The following TUBA4B variants were observed in gnomAD, a reference collection of about 807,000 sequenced individuals.
The protein encoded by TUBA4B is tubulin alpha 4b.
A neutral mutation model predicts 18.4 loss-of-function variants in TUBA4B; 13 were observed. The ratio of observed to expected loss-of-function variants is 0.71; its 90% CI spans 0.46 to 1.12. The LOEUF is 1.12. TUBA4B is among the 50% of genes most tolerant of loss of function. TUBA4B has a pLI of 0.00. For synonymous variants in TUBA4B, 101 were observed against 99.1 expected, an observed-to-expected ratio of 1.02 and a Z score of -0.11; for missense variants, 244 against 250.0, an observed-to-expected ratio of 0.98 and a Z score of 0.16.
chr2:219,259,827 C>A (rs894740791), intron 1 of TUBA4B, among the ~76,000 whole-genome samples: 2 of 152,150 alleles, frequency 1.3e-5, no homozygotes, highest in Non-Finnish European at 2.9e-5. Context: ...GAGCATCTCC[C>A]AGCCATCCTC....
intron 3 of TUBA4B, among the ~76,000 whole-genome samples, 192 bp downstream of exon 3, chr2:219,270,527 C>T (rs1332713935): frequency 6.6e-6 from 1 of 152,170 alleles, no homozygotes; most frequent in Non-Finnish European, 1.5e-5. Flanking sequence ...CTGGTGTCCC[C>T]TGTATCTCCG....
chr2:219,255,526 C>G (rs1483152096), intron 1 of TUBA4B, among the ~76,000 whole-genome samples: 4 of 152,166 alleles, frequency 2.6e-5, no homozygotes, highest in African/African-American at 9.7e-5. Flanking sequence ...AGCCCCCACA[C>G]CCGGCCTTAT....
intron 2 of TUBA4B, 45 bp from the exon 3 acceptor site, chr2:219,270,157 A>T: frequency 4.3e-6 from 3 of 699,444 alleles, no homozygotes; most frequent in Non-Finnish European, 7.9e-6. Context: ...TTGCAAAGGG[A>T]GGTGGGGCCC....
chr2:219,257,633 C>T, intron 1 of TUBA4B, among the ~76,000 whole-genome samples: 1 of 86,134 alleles, frequency 1.2e-5, no homozygotes. Context: ...TAGTGAGAGA[C>T]ACTGTCTCAA....
At chr2:219,268,170 G>A (rs558752119) in intron 2 of TUBA4B, among the ~76,000 whole-genome samples, 2 of 144,322 alleles carry the variant, frequency 1.4e-5, no homozygotes, top group South Asian at 4.3e-4. Flanking sequence ...GTGCAGTGAT[G>A]CAATCTCGGC....
chr2:219,263,236 T>C (rs1951770132), intron 1 of TUBA4B, among the ~76,000 whole-genome samples: 1 of 152,156 alleles, frequency 6.6e-6, no homozygotes, highest in Non-Finnish European at 1.5e-5. Flanking sequence ...CTCACACCTA[T>C]AATCCCAACA....
At chr2:219,257,104 C>T (rs1040421342) in intron 1 of TUBA4B, among the ~76,000 whole-genome samples, 2 of 131,632 alleles carry the variant, frequency 1.5e-5, no homozygotes, top group Non-Finnish European at 1.5e-5. Flanking sequence ...AGTACAGTGG[C>T]GCGATCTCGG....
Position 219,253,293 on chromosome 2 carries a change from T to C in TUBA4B, c.-115T>C. On this transcript the variant is annotated 5_prime_UTR_variant, in exon 1 of 4. Transcript: ENST00000490341. The stretch of plus-strand genomic sequence containing the variant: ...CTTCGGCTGGAGAGGGCCAGCTCGC[T>C]TCAGGAGGCCGAACCCCGTTCCCAC... The C allele has an allele frequency of 6.6e-7, 1 of 1,512,590 alleles. No individual in the cohort carries two copies. The highest frequency in any genetic ancestry group is 1.2e-5 in the South Asian group (1 of 80,272). The allele number at this position is 1,512,590 out of a possible 1,614,324, so 93.7% of individuals were successfully genotyped here. A position where few individuals can be genotyped will look rare whatever the true frequency, so the allele number is the denominator to read the frequency against.
chr2:219,266,457 AAGG>A, intron 1 of TUBA4B, 61 bp from the exon 2 acceptor site: 2 of 680,112 alleles, frequency 2.9e-6, no homozygotes, highest in South Asian at 1.6e-5. Flanking sequence ...CAGCGAGTAT[AAGG>A]AGGAGGCTGG....
At chr2:219,268,091 GCTCAA>G (rs570704100) in intron 2 of TUBA4B, among the ~76,000 whole-genome samples, 258 of 149,504 alleles carry the variant, frequency 1.7e-3, no homozygotes, top group African/African-American at 6.1e-3. Flanking sequence ...TGAGGTCTCA[GCTCAA>G]CTCATTATCT....
chr2:219,259,837 C>G (rs1951749064), intron 1 of TUBA4B, among the ~76,000 whole-genome samples: 2 of 152,192 alleles, frequency 1.3e-5, no homozygotes, highest in Non-Finnish European at 2.9e-5. Flanking sequence ...CAGCCATCCT[C>G]CTTCTCACAG....
At chr2:219,258,206 G>T (rs369204509) in intron 1 of TUBA4B, among the ~76,000 whole-genome samples, 14 of 151,986 alleles carry the variant, frequency 9.2e-5, no homozygotes, top group Non-Finnish European at 2.1e-4. Context: ...GGACAGGCTG[G>T]TCTCGAACTC....
Position 219,270,208 on chromosome 2 carries a change from A to G in TUBA4B, c.65A>G (p.Tyr22Cys). The change falls in exon 3 of 4, where the codon TAC becomes TGC. Residue 22 changes from tyrosine (Y) to cysteine (C), a missense_variant. Tyr to Cys is a radical substitution (Grantham distance 194). Coordinates refer to ENST00000490341, the MANE Select transcript of TUBA4B (RefSeq NM_001355221.1). Reference sequence around the variant, plus strand: ...GCAGATGAACTTTGAACAGGCACATACCGCCAGATCTTCCATCCAGAGCAG... The same window carrying G: ...GCAGATGAACTTTGAACAGGCACATGCCGCCAGATCTTCCATCCAGAGCAG... ...SQPLSRQHGT[Y>C]RQIFHPEQLI... 1 of 752,626 alleles carries G rather than the reference A, an allele frequency of 1.3e-6. No individual in the cohort carries two copies. The highest frequency in any genetic ancestry group is 2.5e-6 in the Non-Finnish European group (1 of 406,754). 46.6% of individuals were successfully genotyped at this position (752,626 alleles called of 1,614,324 possible).
chr2:219,264,912 G>C (rs1425566834), intron 1 of TUBA4B, among the ~76,000 whole-genome samples: 1 of 152,356 alleles, frequency 6.6e-6, no homozygotes, highest in Middle Eastern at 3.4e-3. Context: ...CGAAACATCA[G>C]TCAGCATGGT....
chr2:219,265,496 G>A (rs1951784550), intron 1 of TUBA4B, among the ~76,000 whole-genome samples: 2 of 152,154 alleles, frequency 1.3e-5, no homozygotes. Context: ...AATTAGCCAG[G>A]CCTGGTGGCA....
intron 1 of TUBA4B, among the ~76,000 whole-genome samples, chr2:219,257,583 AG>A (rs1302198060): frequency 2.1e-5 from 3 of 140,966 alleles, no homozygotes; most frequent in Non-Finnish European, 4.5e-5. Flanking sequence ...CAGATGTTGC[AG>A]TGAGCCAAGA....
intron 1 of TUBA4B, chr2:219,254,318 C>T (rs964103215): frequency 1.3e-5 from 2 of 155,736 alleles, no homozygotes; most frequent in Non-Finnish European, 2.8e-5. Flanking sequence ...CTGGCCTTCA[C>T]CCCTGCCCTT....
chr2:219,260,624 T>G (rs1224838103), intron 1 of TUBA4B, among the ~76,000 whole-genome samples: 1 of 152,176 alleles, frequency 6.6e-6, no homozygotes, highest in Non-Finnish European at 1.5e-5. Context: ...CAAACCTGCT[T>G]CTGTTCTAGG....
chr2:219,254,099 C>A, intron 1 of TUBA4B: 1 of 422,892 alleles, frequency 2.4e-6, no homozygotes, highest in Non-Finnish European at 4.3e-6. Flanking sequence ...CCTCACCTGT[C>A]CCGCTGGGAT....
Sources: allele counts gnomAD v4.1 joint callset (sites outside exome capture counted in the v4.1 genomes callset), GRCh38; gene constraint gnomAD v4.1.1; transcripts MANE v1.5; gene names NCBI Gene and HGNC (gene_info 2026-07-23, HGNC 2026-07-21).